Variants in FRMPD2 observed in about 807,000 individuals in gnomAD.
FRMPD2 encodes the protein FERM and PDZ domain-containing protein 2.
A neutral mutation model predicts 140.1 loss-of-function variants in FRMPD2; 96 were observed. The observed-to-expected ratio is 0.69, with a 90% CI of 0.58 to 0.81. The LOEUF (loss-of-function observed/expected upper bound fraction) is 0.81. Ranked by LOEUF, FRMPD2 falls within the 40% of genes least tolerant of loss-of-function variation. The pLI is 0.00. For missense variants in FRMPD2, 1,240 were observed against 1,447.4 expected, an observed-to-expected ratio of 0.86 and a Z score of 2.32; for synonymous variants, 449 against 547.6, an observed-to-expected ratio of 0.82 and a Z score of 2.52.
intron 12 of FRMPD2, among the ~76,000 whole-genome samples, chr10:48,220,482 A>C (rs1250140732): frequency 6.6e-6 from 1 of 152,190 alleles, no homozygotes; most frequent in Non-Finnish European, 1.5e-5. Context: ...AAACATAAAA[A>C]TTTGAGAAGA....
intron 14 of FRMPD2, among the ~76,000 whole-genome samples, chr10:48,205,166 G>C (rs967256327): frequency 1.3e-5 from 2 of 152,322 alleles, no homozygotes; most frequent in African/African-American, 4.8e-5. Flanking sequence ...CAAACTGCTG[G>C]TGACATTACT....
rs767399529 is a variant in FRMPD2, at chr10:48,240,428, T to C, written c.632A>G (p.Lys211Arg). 1.9e-6 allele frequency: 3 copies of C among 1,613,730 alleles called. No homozygotes were observed. The highest frequency in any genetic ancestry group is 2.5e-6 in the Non-Finnish European group (3 of 1,180,034). ...CTCGCTGCTTGTCCCACGCAGCCTC[T>C]TCCTGAGCAGGTAGCTTCTGTTCTG... is the stretch of plus-strand genomic sequence containing the variant. ...VQQNRSYLLR[K>R]RLRGTSSESP... is the part of the protein sequence containing the mutation. The change falls in exon 6 of 29, where the codon AAG becomes AGG. Residue 211 changes from lysine (K) to arginine (R), a missense_variant. Lys to Arg is a conservative substitution (Grantham distance 26). This residue lies in a region of FRMPD2 where 1,161 missense variants were observed against 1,055.9 expected (regional missense o/e 1.10). Coordinates refer to ENST00000374201, the MANE Select transcript of FRMPD2 (RefSeq NM_001018071.4).
intron 14 of FRMPD2, among the ~76,000 whole-genome samples, chr10:48,202,712 A>G (rs776340628): frequency 1.3e-5 from 2 of 152,230 alleles, no homozygotes; most frequent in African/African-American, 2.4e-5. Flanking sequence ...TGAAATCCAT[A>G]CACTTTGTCA....
At chr10:48,228,445 T>C (rs1839773964) in intron 10 of FRMPD2, among the ~76,000 whole-genome samples, 1 of 151,952 alleles carries the variant, frequency 6.6e-6, no homozygotes, top group Non-Finnish European at 1.5e-5. Context: ...TGCTGAAATA[T>C]TAGTTGTTGA....
intron 20 of FRMPD2, among the ~76,000 whole-genome samples, chr10:48,184,055 C>A (rs1373873755): frequency 6.6e-6 from 1 of 151,926 alleles, no homozygotes; most frequent in Non-Finnish European, 1.5e-5. Flanking sequence ...TGTATAGCAA[C>A]CCCTGTGACA....
intron 3 of FRMPD2, among the ~76,000 whole-genome samples, chr10:48,246,713 G>A (rs1047302379): frequency 6.6e-6 from 1 of 152,236 alleles, no homozygotes; most frequent in Non-Finnish European, 1.5e-5. Flanking sequence ...CGAGGCCCAG[G>A]ACTGGGGGAG....
At chr10:48,170,631 G>T (rs1554791561) in intron 26 of FRMPD2, among the ~76,000 whole-genome samples, 1 of 150,310 alleles carries the variant, frequency 6.7e-6, no homozygotes, top group Admixed American at 6.6e-5. Flanking sequence ...ATGAAAAGCT[G>T]TAAATGTGTT....
chr10:48,174,085 C>G (rs1352336070), intron 24 of FRMPD2, among the ~76,000 whole-genome samples: 3 of 152,170 alleles, frequency 2.0e-5, no homozygotes, highest in East Asian at 1.9e-4. Context: ...CTAATATAAG[C>G]AAATTTCACC....
In FRMPD2 at chr10:48,201,499, G is replaced by A. The variant is rs75408612; in HGVS notation, c.1798-115C>T. ...TCCACACCCTGTAGCAGGCATCCAC[G>A]GGTGCATGGCAGATGCTGTCTGACT... On this transcript the variant is annotated intron_variant, in intron 14 of 28. Coordinates refer to ENST00000374201, the MANE Select transcript of FRMPD2 (RefSeq NM_001018071.4). The A allele has an allele frequency of 9.8e-4, 797 of 816,338 alleles. 3 individuals carry two copies. Among genetic ancestry groups the A allele is most frequent in the East Asian group, 9.3e-3 (348 of 37,452 alleles). The allele number at this position is 816,338 out of a possible 1,614,324, so 50.6% of individuals were successfully genotyped here.
intron 1 of FRMPD2, among the ~76,000 whole-genome samples, chr10:48,255,072 C>T (rs985503093): frequency 1.6e-4 from 24 of 152,072 alleles, no homozygotes; most frequent in African/African-American, 5.3e-4. Context: ...GGAAAGCATC[C>T]AGTCAATGGG....
chr10:48,274,488 T>C (rs1840820244), intron 1 of FRMPD2, 55 bp downstream of exon 1: 1 of 1,544,576 alleles, frequency 6.5e-7, no homozygotes, highest in Non-Finnish European at 8.9e-7. Context: ...AGTAAGAAGT[T>C]TGCCCTTTCC....
At chr10:48,214,723 T>C (rs554507203) in intron 12 of FRMPD2, among the ~76,000 whole-genome samples, 1 of 152,336 alleles carries the variant, frequency 6.6e-6, no homozygotes, top group South Asian at 2.1e-4. Flanking sequence ...AGTACACTTA[T>C]TTTTATGGCA....
intron 1 of FRMPD2, among the ~76,000 whole-genome samples, chr10:48,270,795 G>A (rs771543348): frequency 6.6e-6 from 1 of 151,544 alleles, no homozygotes; most frequent in Non-Finnish European, 1.5e-5. Context: ...CGACATTTTT[G>A]TCTCCTTCCC....
At position 48,232,245 on chromosome 10, in the gene FRMPD2, C is replaced by G. The variant is rs1839868461; in HGVS notation, c.1038G>C (p.Val346=). Reference sequence around the variant, plus strand: ...CCAGGTGCTGCCCGTTCAGCAGGACCACACAGAGGTCCCTGAGAGCCAAAT... The same window carrying G: ...CCAGGTGCTGCCCGTTCAGCAGGACGACACAGAGGTCCCTGAGAGCCAAAT... ...KSYLALRDLC[V]VLLNGQHLEV... The change falls in exon 10 of 29, where the codon GTG becomes GTC. Residue 346 remains valine (V), a synonymous_variant. Transcript: ENST00000374201. 6.2e-7 allele frequency: 1 copy of G among 1,613,816 alleles called. No homozygotes were observed. Among genetic ancestry groups the G allele is most frequent in the Admixed American group, 1.7e-5 (1 of 59,982 alleles).
rs182581883 is a variant in FRMPD2 at position 48,184,296 on chromosome 10, A to G, written c.2584+270T>C. Among the ~76,000 whole-genome samples, 48 of 152,162 alleles carry G rather than the reference A, an allele frequency of 3.2e-4. No homozygotes were observed. In the East Asian group the frequency reaches 8.7e-3, roughly 28 times the overall value. On this transcript the variant is annotated intron_variant, in intron 20 of 28. Coordinates refer to ENST00000374201, the MANE Select transcript of FRMPD2 (RefSeq NM_001018071.4). ...CTGCCATGCAAGGAGAGTTGACAGA[A>G]AAAAAAAGACTGGTTGTATCCAGCC...
intron 4 of FRMPD2, among the ~76,000 whole-genome samples, chr10:48,243,843 A>G (rs375671526): frequency 1.3e-5 from 2 of 152,328 alleles, no homozygotes; most frequent in African/African-American, 4.8e-5. Context: ...CAGTCTAGCC[A>G]GGTCAGCTAG....
Position 48,242,328 on chromosome 10 carries a change from G to T in FRMPD2, c.400C>A (p.His134Asn). Residue 134 changes from histidine to asparagine, a missense_variant, in exon 5 of 29, where the codon CAC (histidine) becomes AAC (asparagine). Physicochemically the swap from His to Asn is moderately conservative, Grantham distance 68. Coordinates refer to ENST00000374201, the MANE Select transcript of FRMPD2 (RefSeq NM_001018071.4). ...HQPLQLCEPL[H>N]SILLTMCEDQ... ...TCACACATGGTCAGCAGGATGGAGT[G>T]CAGGGGCTCGCAGAGCTGCAGGGGC... The T allele has an allele frequency of 6.2e-7, 1 of 1,613,708 alleles. No homozygotes were observed. The highest frequency in any genetic ancestry group is 8.5e-7 in the Non-Finnish European group (1 of 1,179,720).
intron 10 of FRMPD2, among the ~76,000 whole-genome samples, chr10:48,226,988 C>T (rs1043949752): frequency 6.6e-6 from 1 of 152,176 alleles, no homozygotes; most frequent in Non-Finnish European, 1.5e-5. Flanking sequence ...CCACTCACTC[C>T]AGCCTATGGA....
rs577885282 is a variant in FRMPD2 at position 48,190,573 on chromosome 10, C to G, written c.2165+2111G>C. The stretch of plus-strand genomic sequence containing the variant: ...ACCTCCACAAAAACATACCCGCACC[C>G]AAACCAGTGTCTCAAGCTGTGCTTC... On this transcript the variant is annotated intron_variant, in intron 16 of 28. Coordinates refer to ENST00000374201, the MANE Select transcript of FRMPD2 (RefSeq NM_001018071.4). Among the ~76,000 whole-genome samples, 13 of 152,304 alleles carry G rather than the reference C, an allele frequency of 8.5e-5. No individual in the cohort carries two copies. The South Asian group carries it at 2.5e-3, about 29-fold the overall frequency.
Sources: allele counts gnomAD v4.1 joint callset (sites outside exome capture counted in the v4.1 genomes callset), GRCh38; gene constraint gnomAD v4.1.1; regional missense constraint gnomAD v4.1.1; transcripts MANE v1.5; gene names NCBI Gene and HGNC (gene_info 2026-07-23, HGNC 2026-07-21).